The following TTN variants were observed in gnomAD, a reference collection of about 807,000 sequenced individuals.
TTN encodes the protein titin.
A neutral mutation model predicts 3,223.0 loss-of-function variants in TTN; 1,525 were observed. That is an observed-to-expected ratio of 0.47 (90% confidence interval 0.45 to 0.49). The LOEUF (loss-of-function observed/expected upper bound fraction) is 0.49, where lower values mean the gene tolerates loss of function less well. TTN is among the 20% of genes least tolerant of loss of function. The pLI, the probability that TTN is intolerant of heterozygous loss-of-function variation, is 0.00. For synonymous variants in TTN, 14,094 were observed against 15,161.0 expected (o/e 0.93, Z 5.17); for missense variants, 40,786 against 43,424.0 (o/e 0.94, Z 5.40).
chr2:178,570,882 G>C lies in TTN; in HGVS notation c.75250C>G (p.Arg25084Gly). 6.2e-7 allele frequency: 1 copy of C among 1,613,394 alleles called. No individual in the cohort carries two copies. Among genetic ancestry groups the C allele is most frequent in the Non-Finnish European group, 8.5e-7 (1 of 1,179,580 alleles). ...DHRYEFRVIA[R>G]NAAGVFSEPS... ...TCACTAAACACTCCTGCGGCATTTC[G>C]GGCTATAACCCGGAACTCATATCTG... The change falls in exon 326 of 363, where the codon CGA becomes GGA. Residue 25084 changes from arginine (R) to glycine (G), a missense_variant. Coordinates refer to ENST00000589042, the MANE Select transcript of TTN (RefSeq NM_001267550.2).
chr2:178,536,866 TTC>T, intron 356 of TTN, 70 bp downstream of exon 356: 1 of 1,374,192 alleles, frequency 7.3e-7, no homozygotes, highest in South Asian at 1.6e-5. Flanking sequence ...CAAAATTTCT[TTC>T]TGTTTAAAAG....
chr2:178,676,039 A>G (rs1310164845), intron 147 of TTN, 44 bp from the exon 148 acceptor site: 10 of 1,534,600 alleles, frequency 6.5e-6, no homozygotes, highest in Non-Finnish European at 7.9e-6. Flanking sequence ...TTTGAAGGAC[A>G]AAAAAAGAGA....
Position 178,607,742 on chromosome 2 carries a change from A to T in TTN, c.53002+43T>A, listed in dbSNP as rs752356363. On this transcript the variant is annotated intron_variant, in intron 276 of 362. Coordinates refer to ENST00000589042, the MANE Select transcript of TTN (RefSeq NM_001267550.2). ...ATGAAAGATTAAAAAATAGTCCCAT[A>T]TAGAGAAAATATCCATAATTTTATT... 2.1e-5 allele frequency: 34 copies of T among 1,612,076 alleles called. No individual in the cohort carries two copies. In the South Asian group the frequency reaches 2.4e-4, roughly 11 times the overall value.
At chr2:178,626,227 C>T (rs16866418) in intron 240 of TTN, among the ~76,000 whole-genome samples, 35,961 of 151,904 alleles carry the variant, frequency 0.24, 5,008 homozygotes, top group East Asian at 0.58. Context: ...ATTTTGCAAA[C>T]CAATTAAACC....
chr2:178,632,966 A>G lies in TTN; in HGVS notation c.43165T>C (p.Ser14389Pro). 6.2e-7 allele frequency: 1 copy of G among 1,613,280 alleles called. No homozygotes were observed. Among genetic ancestry groups the G allele is most frequent in the Non-Finnish European group, 8.5e-7 (1 of 1,179,454 alleles). The change falls in exon 234 of 363, where the codon TCC (serine) becomes CCC (proline). Residue 14389 changes from serine to proline, a missense_variant. Ser to Pro is a moderately conservative substitution (Grantham distance 74). Coordinates refer to ENST00000589042, the MANE Select transcript of TTN (RefSeq NM_001267550.2). ...GATTTGGCATTAGCAGCCTGGAAGG[A>G]AACCTCTCCTGTCATACCCAGCTGA... The part of the protein sequence containing the change: ...NCQLGMTGEV[S>P]FQAANAKSAA...
intron 29 of TTN, chr2:178,774,708 TA>T: frequency 1.4e-6 from 1 of 720,532 alleles, no homozygotes; most frequent in Non-Finnish European, 2.2e-6. Context: ...ACTTAAAAGC[TA>T]AAAATCAAGA....
Position 178,729,552 on chromosome 2 carries a change from T to C in TTN, c.18604A>G (p.Ile6202Val). 6.2e-7 allele frequency: 1 copy of C among 1,612,768 alleles called. No individual in the cohort carries two copies. Among genetic ancestry groups the C allele is most frequent in the Non-Finnish European group, 8.5e-7 (1 of 1,179,138 alleles). The change falls in exon 64 of 363, where the codon ATC becomes GTC. Residue 6202 changes from isoleucine (I) to valine (V), a missense_variant. Physicochemically the swap from Ile to Val is conservative, Grantham distance 29. Transcript: ENST00000589042. ...ACCTCCACAGGCTTCAGCTCTCTGA[T>C]AAAGGTGGGGGGTTCTAAAGATTCA... ...ELKVKEPPTF[I>V]RELKPVEVVK...
rs752989974 is a variant in TTN at position 178,636,355 on chromosome 2, A to G, written c.41329+43T>C. ...GCAAGTTGCTACTAAGGTTTGTTAC[A>G]TTAAAGTTTAATATAGATTATGTTC... On this transcript the variant is annotated intron_variant, in intron 225 of 362. Coordinates refer to ENST00000589042, the MANE Select transcript of TTN (RefSeq NM_001267550.2). This position sits in a 1 kb window ranked among gnomAD's most constrained non-coding sequence, Gnocchi z 4.3. 5.2e-6 allele frequency: 8 copies of G among 1,539,910 alleles called. No individual in the cohort carries two copies. In the South Asian group the frequency reaches 1.0e-4, roughly 20 times the overall value.
rs781204863 is a variant in TTN, at chr2:178,594,008, T to A, written c.58385A>T (p.Glu19462Val). The A allele has an allele frequency of 5.6e-6, 9 of 1,613,638 alleles. No homozygotes were observed. Among genetic ancestry groups the A allele is most frequent in the Non-Finnish European group, 2.5e-6 (3 of 1,179,672 alleles). The change falls in exon 297 of 363, where the codon GAG becomes GTG. Residue 19462 changes from glutamate (E) to valine (V), a missense_variant. Coordinates refer to ENST00000589042, the MANE Select transcript of TTN (RefSeq NM_001267550.2). ...SDSGKYCVVV[E>V]NSTGSRKGFC... is the part of the protein sequence containing the mutation. ...ACCTTTCCTAGAGCCTGTACTGTTCTCCACAACCACACAGTATTTGCCGGA... is the reference window on the plus strand; with the variant it reads ...ACCTTTCCTAGAGCCTGTACTGTTCACCACAACCACACAGTATTTGCCGGA...
Position 178,545,878 on chromosome 2 carries a change from G to T in TTN, c.95358C>A (p.Asn31786Lys). The T allele has an allele frequency of 6.2e-7, 1 of 1,613,854 alleles. No individual in the cohort carries two copies. Among genetic ancestry groups the T allele is most frequent in the Non-Finnish European group, 8.5e-7 (1 of 1,179,764 alleles). ...NEYIFRVRAVNKYGPGVPVES... is the reference protein window; with the variant it reads ...NEYIFRVRAVKKYGPGVPVES... ...CAACAGGCACACCAGGGCCATATTT[G>T]TTTACTGCCCTCACTCGGAATATGT... The change falls in exon 343 of 363, where the codon AAC (asparagine) becomes AAA (lysine). Residue 31786 changes from asparagine (N) to lysine (K), a missense_variant. Asn to Lys is a moderately conservative substitution (Grantham distance 94). Coordinates refer to ENST00000589042, the MANE Select transcript of TTN (RefSeq NM_001267550.2).
chr2:178,760,259 C>T (rs551629439), intron 43 of TTN, among the ~76,000 whole-genome samples: 6 of 152,284 alleles, frequency 3.9e-5, no homozygotes, highest in East Asian at 3.9e-4. Flanking sequence ...TGGCCAGGCG[C>T]GGTGCTTCAC....
chr2:178,623,188 T>C (rs1444445081), intron 242 of TTN, among the ~76,000 whole-genome samples: 2 of 151,886 alleles, frequency 1.3e-5, no homozygotes, highest in Non-Finnish European at 2.9e-5. Context: ...ATTAGCAGAA[T>C]TCAAAGATAG....
At position 178,635,166 on chromosome 2, in the gene TTN, G is replaced by A. The variant is rs751709914; in HGVS notation, c.42023C>T (p.Pro14008Leu). 63 of 1,612,538 alleles carry A rather than the reference G, an allele frequency of 3.9e-5. No individual in the cohort carries two copies. Among genetic ancestry groups the A allele is most frequent in the Non-Finnish European group, 4.9e-5 (58 of 1,179,350 alleles). ...KLKGELLRPS[P>L]TCEIKAEGGK... ...AATTTAAAATGTGAAATTACTCACA[G>A]GTGAGGGCCTTAGAAGTTCTCCTTT... The change falls in exon 228 of 363, where the codon CCT becomes CTT. Residue 14008 changes from proline (P) to leucine (L), a missense_variant and splice_region_variant. Coordinates refer to ENST00000589042, the MANE Select transcript of TTN (RefSeq NM_001267550.2).
chr2:178,545,543 C>A lies in TTN; in HGVS notation c.95567G>T (p.Arg31856Leu). Residue 31856 changes from arginine (R) to leucine (L), a missense_variant, in exon 344 of 363, where the codon CGT becomes CTT. Arg to Leu is a moderately radical substitution (Grantham distance 102). Coordinates refer to ENST00000589042, the MANE Select transcript of TTN (RefSeq NM_001267550.2). Reference protein sequence around the residue: ...KREKKSLRWTRVNKDYVVYDT... With the variant: ...KREKKSLRWTLVNKDYVVYDT... The stretch of plus-strand genomic sequence containing the variant: ...ATACACCACATAGTCTTTGTTGACA[C>A]GTGTCCAGCGCAGGCTCTTCTTCTC... 1 of 1,613,740 alleles carries A rather than the reference C, an allele frequency of 6.2e-7. No individual in the cohort carries two copies. Among genetic ancestry groups the A allele is most frequent in the Non-Finnish European group, 8.5e-7 (1 of 1,179,720 alleles).
chr2:178,646,930 A>C (rs2062090879), intron 215 of TTN, 134 bp downstream of exon 215: 1 of 360,946 alleles, frequency 2.8e-6, no homozygotes, highest in Non-Finnish European at 5.0e-6. Context: ...TATTTCAAAA[A>C]TAAAGCAGTC....
At position 178,651,271 on chromosome 2, in the gene TTN, G is replaced by T. The variant is rs776088323; in HGVS notation, c.39597C>A (p.Pro13199=). 6.2e-7 allele frequency: 1 copy of T among 1,612,970 alleles called. No individual in the cohort carries two copies. The highest frequency in any genetic ancestry group is 1.3e-5 in the African/African-American group (1 of 74,842). Residue 13199 remains proline (P), a synonymous_variant, in exon 208 of 363, where the codon CCC becomes CCA. Transcript: ENST00000589042. ...TTGCTGGTGGGACTTCTGGCTTTTT[G>T]GGAACAGCTACTTTCTTTTCTGGAA... The part of the protein sequence containing the change: ...EVVPEKKVAV[P]KKPEVPPAKV...
chr2:178,651,258 C>A lies in TTN; in HGVS notation c.39610G>T (p.Val13204Phe), dbSNP rs1380684405. 7 of 1,613,066 alleles carry A rather than the reference C, an allele frequency of 4.3e-6. No homozygotes were observed. The African/African-American group carries it at 9.3e-5, about 22-fold the overall frequency. Residue 13204 changes from valine (V) to phenylalanine (F), a missense_variant, in exon 208 of 363, where the codon GTC becomes TTC. Physicochemically the swap from Val to Phe is conservative, Grantham distance 50 (BLOSUM62 -1). Coordinates refer to ENST00000589042, the MANE Select transcript of TTN (RefSeq NM_001267550.2). ...KKVAVPKKPE[V>F]PPAKVPEVPK... ...TGACATGTACCTTTTGCTGGTGGGACTTCTGGCTTTTTGGGAACAGCTACT... is the reference window on the plus strand; with the variant it reads ...TGACATGTACCTTTTGCTGGTGGGAATTCTGGCTTTTTGGGAACAGCTACT...
chr2:178,609,316 A>T lies in TTN; in HGVS notation c.51994T>A (p.Ser17332Thr). Reference protein sequence around the residue: ...LSIDNSKKGESQLRVRDSLRP... With the variant: ...LSIDNSKKGETQLRVRDSLRP... ...AGAGAATCTCGGACGCGTAGCTGAGATTCTCCCTTTTTGCTGTTGTCAATA... is the reference window on the plus strand; with the variant it reads ...AGAGAATCTCGGACGCGTAGCTGAGTTTCTCCCTTTTTGCTGTTGTCAATA... The change falls in exon 273 of 363, where the codon TCT (serine) becomes ACT (threonine). Residue 17332 changes from serine to threonine, a missense_variant. By Grantham distance (58) the Ser-to-Thr change is moderately conservative. Transcript: ENST00000589042. 1 of 1,608,544 alleles carries T rather than the reference A, an allele frequency of 6.2e-7. No individual in the cohort carries two copies. Among genetic ancestry groups the T allele is most frequent in the Non-Finnish European group, 8.5e-7 (1 of 1,177,148 alleles).
rs527359787 is a variant in TTN, at chr2:178,751,693, C to T, written c.11311+1431G>A. ...AACTTCCAGAATCTCTGTCTTGGAC[C>T]CTTTTAATCTCTAAGCTGGAAGAGT... On this transcript the variant is annotated intron_variant, in intron 47 of 362. Transcript: ENST00000589042. 20 of 1,613,264 alleles carry T rather than the reference C, an allele frequency of 1.2e-5. No individual in the cohort carries two copies. In the East Asian group the frequency reaches 1.6e-4, roughly 13 times the overall value.
Sources: gnomAD v4.1 joint callset for allele counts (sites outside exome capture counted in the v4.1 genomes callset) on GRCh38, gnomAD v4.1.1 for gene constraint, Gnocchi (gnomAD v3.1) non-coding constraint, MANE v1.5 for transcripts, NCBI Gene and HGNC (gene_info 2026-07-23, HGNC 2026-07-21) for gene names.